The following COL25A1 variants were observed in gnomAD, a reference collection of about 807,000 sequenced individuals.
The protein encoded by COL25A1 is collagen alpha-1(XXV) chain.
Under a neutral mutation model 128.4 loss-of-function variants are expected in COL25A1, and 103 were observed. That is an observed-to-expected ratio of 0.80 (90% CI 0.68 to 0.94). The LOEUF is 0.94. Among genes scored for constraint, COL25A1 ranks in the 40% least tolerant of loss-of-function variants. COL25A1 has a pLI of 0.00. For synonymous variants in COL25A1, 279 were observed against 277.2 expected, an observed-to-expected ratio of 1.01 and a Z score of -0.06; for missense variants, 745 against 840.0, an observed-to-expected ratio of 0.89 and a Z score of 1.40.
At chr4:109,247,403 G>A (rs969099403) in intron 3 of COL25A1, among the ~76,000 whole-genome samples, 3 of 152,130 alleles carry the variant, frequency 2.0e-5, no homozygotes, top group Non-Finnish European at 4.4e-5. Context: ...CATCGTGGAA[G>A]GCTTGAATGT....
At chr4:108,943,955 A>C (rs1748437954) in intron 8 of COL25A1, among the ~76,000 whole-genome samples, 1 of 152,142 alleles carries the variant, frequency 6.6e-6, no homozygotes, top group South Asian at 2.1e-4. Flanking sequence ...AGCCCAGGAA[A>C]TTTCTACATT....
chr4:109,231,702 T>C (rs1779176307), intron 3 of COL25A1, among the ~76,000 whole-genome samples: 1 of 152,198 alleles, frequency 6.6e-6, no homozygotes, highest in Non-Finnish European at 1.5e-5. Flanking sequence ...TAAGGTTTAT[T>C]GGAAAAGATG....
intron 3 of COL25A1, among the ~76,000 whole-genome samples, chr4:109,297,759 A>G (rs1161491837): frequency 2.0e-5 from 3 of 151,998 alleles, no homozygotes; most frequent in Non-Finnish European, 4.4e-5. Context: ...AATATACTAA[A>G]AAGAATAGTA....
chr4:109,226,276 A>C (rs1778799122), intron 3 of COL25A1, among the ~76,000 whole-genome samples: 1 of 152,126 alleles, frequency 6.6e-6, no homozygotes. Context: ...TAATGAGTAC[A>C]ATGTACCCTG....
chr4:109,113,342 G>T (rs891454717), intron 3 of COL25A1, among the ~76,000 whole-genome samples: 1 of 151,978 alleles, frequency 6.6e-6, no homozygotes, highest in African/African-American at 2.4e-5. Context: ...ACATTTTTAG[G>T]GAATTCCAAA....
At chr4:109,129,061 A>T (rs28587218) in intron 3 of COL25A1, among the ~76,000 whole-genome samples, 44,552 of 152,074 alleles carry the variant, frequency 0.29, 7,650 homozygotes, top group African/African-American at 0.47. Flanking sequence ...GGTGATCCTG[A>T]TGTACAACCA....
chr4:108,939,662 T>C (rs904103936), intron 10 of COL25A1, among the ~76,000 whole-genome samples: 2 of 152,168 alleles, frequency 1.3e-5, no homozygotes, highest in African/African-American at 4.8e-5. Flanking sequence ...TTTTCATTAT[T>C]ATTATGTACT....
chr4:109,095,876 G>A (rs1455193941), intron 3 of COL25A1, among the ~76,000 whole-genome samples: 1 of 152,126 alleles, frequency 6.6e-6, no homozygotes, highest in Non-Finnish European at 1.5e-5. Flanking sequence ...CATGTCCACA[G>A]CACAAAATTA....
chr4:109,047,983 C>T (rs937620180), intron 5 of COL25A1, among the ~76,000 whole-genome samples, 185 bp downstream of exon 5: 3 of 152,048 alleles, frequency 2.0e-5, no homozygotes, highest in Non-Finnish European at 4.4e-5. Flanking sequence ...CCACCCGCCT[C>T]GGCCTCCCAA....
chr4:108,976,497 G>C (rs1752459346), intron 6 of COL25A1, among the ~76,000 whole-genome samples: 1 of 152,172 alleles, frequency 6.6e-6, no homozygotes, highest in African/African-American at 2.4e-5. Flanking sequence ...ACTAATTCTA[G>C]AGGCACTGAT....
intron 30 of COL25A1, among the ~76,000 whole-genome samples, chr4:108,843,377 A>C (rs1217185363): frequency 6.6e-6 from 1 of 152,022 alleles, no homozygotes; most frequent in Non-Finnish European, 1.5e-5. Flanking sequence ...GTAATACTGA[A>C]GTCCTTTGAT....
chr4:109,151,935 T>C (rs745888223), intron 3 of COL25A1, among the ~76,000 whole-genome samples: 8 of 152,190 alleles, frequency 5.3e-5, no homozygotes, highest in Non-Finnish European at 1.2e-4. Flanking sequence ...TTAAGCTGAT[T>C]GCTAAACTTC....
chr4:109,033,601 G>A (rs930491652), intron 5 of COL25A1, among the ~76,000 whole-genome samples: 1 of 152,120 alleles, frequency 6.6e-6, no homozygotes, highest in Non-Finnish European at 1.5e-5. Context: ...ATTTTAACCT[G>A]CCTATTTTTT....
intron 8 of COL25A1, among the ~76,000 whole-genome samples, chr4:108,946,104 A>T (rs111927615): frequency 1.3e-3 from 196 of 152,282 alleles, no homozygotes; most frequent in African/African-American, 4.4e-3. Flanking sequence ...CAGCTTCATG[A>T]ATCTTCATGA....
At chr4:109,010,266 CT>C in intron 6 of COL25A1, 91 bp downstream of exon 6, 1 of 1,059,592 alleles carries the variant, frequency 9.4e-7, no homozygotes, top group Non-Finnish European at 1.4e-6. Flanking sequence ...CAGTTCATAG[CT>C]TTTTTATATC....
At chr4:109,300,070 T>G (rs767219282) in intron 3 of COL25A1, among the ~76,000 whole-genome samples, 21 of 151,684 alleles carry the variant, frequency 1.4e-4, no homozygotes, top group Non-Finnish European at 2.6e-4. Context: ...TCAGTCATCA[T>G]CTCTAGCTAT....
At chr4:108,980,806 G>T (rs1752902503) in intron 6 of COL25A1, among the ~76,000 whole-genome samples, 1 of 152,192 alleles carries the variant, frequency 6.6e-6, no homozygotes, top group Non-Finnish European at 1.5e-5. Context: ...AAGATAGTCT[G>T]CTGTACAAGC....
chr4:108,924,894 A>G (rs148413390), intron 11 of COL25A1, among the ~76,000 whole-genome samples: 1 of 152,210 alleles, frequency 6.6e-6, no homozygotes, highest in East Asian at 1.9e-4. Context: ...TCCATTCCAA[A>G]TATCAGAGCT....
intron 6 of COL25A1, among the ~76,000 whole-genome samples, chr4:109,000,548 C>A (rs969041432): frequency 2.0e-5 from 3 of 151,822 alleles, no homozygotes. Context: ...GAGTTTGAGA[C>A]CAGCCTGGCC....
Sources: gnomAD v4.1 joint callset for allele counts (sites outside exome capture counted in the v4.1 genomes callset) on GRCh38, gnomAD v4.1.1 for gene constraint, MANE v1.5 for transcripts, NCBI Gene and HGNC (gene_info 2026-07-23, HGNC 2026-07-21) for gene names.